Variants in KCNQ3 observed in about 807,000 individuals in gnomAD.
The protein encoded by KCNQ3 is potassium voltage-gated channel subfamily Q member 3, also known as potassium voltage-gated channel subfamily KQT member 3.
Under a neutral mutation model 92.5 loss-of-function variants are expected in KCNQ3, and 30 were observed. The observed-to-expected ratio is 0.32, with a 90% CI of 0.24 to 0.44. The LOEUF (loss-of-function observed/expected upper bound fraction) is 0.44. KCNQ3 is among the 20% of genes least tolerant of loss of function. The probability of loss-of-function intolerance (pLI) is 1.00; values close to 1 mark genes in which losing one functional copy is unlikely to be tolerated. For missense variants in KCNQ3, 913 were observed against 1,140.3 expected, an observed-to-expected ratio of 0.80 and a Z score of 2.87; for synonymous variants, 450 against 468.8, an observed-to-expected ratio of 0.96 and a Z score of 0.52.
At chr8:132,406,729 G>C (rs1316101731) in intron 1 of KCNQ3, among the ~76,000 whole-genome samples, 1 of 152,172 alleles carries the variant, frequency 6.6e-6, no homozygotes, top group South Asian at 2.1e-4. Context: ...TAATAAGTCA[G>C]GGGATGTGGT....
intron 1 of KCNQ3, among the ~76,000 whole-genome samples, chr8:132,284,488 A>T (rs908095959): frequency 1.3e-5 from 2 of 150,406 alleles, no homozygotes; most frequent in African/African-American, 2.4e-5. Flanking sequence ...AACTCTATAG[A>T]TTTTTTTTTT....
chr8:132,167,510 T>C (rs1406778577), intron 8 of KCNQ3, among the ~76,000 whole-genome samples: 1 of 152,158 alleles, frequency 6.6e-6, no homozygotes, highest in Non-Finnish European at 1.5e-5. Context: ...AGAAAACCTT[T>C]AGGAGGTAGG....
intron 1 of KCNQ3, among the ~76,000 whole-genome samples, chr8:132,274,877 G>T (rs1270168276): frequency 6.6e-6 from 1 of 152,154 alleles, no homozygotes; most frequent in Non-Finnish European, 1.5e-5. Flanking sequence ...GGAGTTTCCT[G>T]CACAGGAGCC....
chr8:132,371,339 C>A (rs975444101), intron 1 of KCNQ3, among the ~76,000 whole-genome samples: 1 of 152,170 alleles, frequency 6.6e-6, no homozygotes, highest in African/African-American at 2.4e-5. Flanking sequence ...TGTGGCATTA[C>A]AATATGATCT....
At chr8:132,284,264 G>A (rs991610016) in intron 1 of KCNQ3, among the ~76,000 whole-genome samples, 1 of 152,132 alleles carries the variant, frequency 6.6e-6, no homozygotes, top group Non-Finnish European at 1.5e-5. Flanking sequence ...AGATGAAGAG[G>A]AGCAAATTGT....
chr8:132,224,146 G>GCT (rs1479342226), intron 1 of KCNQ3, among the ~76,000 whole-genome samples: 1 of 134,060 alleles, frequency 7.5e-6, no homozygotes, highest in Non-Finnish European at 1.6e-5. Context: ...TGTTGTCAGG[G>GCT]CTGCTCTTGA....
chr8:132,282,619 T>C (rs1260167154), intron 1 of KCNQ3, among the ~76,000 whole-genome samples: 1 of 152,186 alleles, frequency 6.6e-6, no homozygotes, highest in East Asian at 1.9e-4. Context: ...ATCCCATTTC[T>C]AAGACTCATG....
At chr8:132,166,612 T>C (rs762002049) in intron 8 of KCNQ3, among the ~76,000 whole-genome samples, 32 of 152,108 alleles carry the variant, frequency 2.1e-4, no homozygotes, top group Non-Finnish European at 3.7e-4. Flanking sequence ...TCATAGAAAA[T>C]TGGGTTTGGA....
intron 1 of KCNQ3, among the ~76,000 whole-genome samples, chr8:132,199,910 C>CAAAAAAAAAAA (rs66931252): frequency 9.8e-6 from 1 of 101,854 alleles, no homozygotes; most frequent in African/African-American, 3.4e-5. Context: ...ACTCAGTCTC[C>CAAAAAAAAAAA]AAAAAAAAAA....
chr8:132,187,769 T>TGGTG (rs1827024801), intron 1 of KCNQ3, among the ~76,000 whole-genome samples: 1 of 150,396 alleles, frequency 6.6e-6, no homozygotes, highest in African/African-American at 2.5e-5. Flanking sequence ...ATGATGGTGG[T>TGGTG]AGTGATAGTG....
intron 1 of KCNQ3, among the ~76,000 whole-genome samples, chr8:132,357,397 A>G (rs1485494252): frequency 6.6e-6 from 1 of 152,192 alleles, no homozygotes; most frequent in African/African-American, 2.4e-5. Flanking sequence ...GAGATACTGA[A>G]AAATCTTCCA....
chr8:132,154,192 A>ATTTTTTTTTTTTTTTTTTTTTTTTTT (rs1563775830), intron 9 of KCNQ3, among the ~76,000 whole-genome samples: 1 of 104,478 alleles, frequency 9.6e-6, no homozygotes, highest in Admixed American at 1.1e-4. Context: ...AAAGGGTAAA[A>ATTTTTTTTTTTTTTTTTTTTTTTTTT]GTTTTTTTTT....
At chr8:132,376,373 C>T (rs1166640806) in intron 1 of KCNQ3, among the ~76,000 whole-genome samples, 2 of 152,204 alleles carry the variant, frequency 1.3e-5, no homozygotes, top group African/African-American at 2.4e-5. Context: ...TGGCAGTCCA[C>T]AATTGTGCAT....
At chr8:132,311,132 G>A (rs983660131) in intron 1 of KCNQ3, among the ~76,000 whole-genome samples, 5 of 152,038 alleles carry the variant, frequency 3.3e-5, no homozygotes, top group East Asian at 1.9e-4. Context: ...GTTTTACCAC[G>A]TTGGCCAGGA....
At chr8:132,437,301 TA>T (rs1409206329) in intron 1 of KCNQ3, among the ~76,000 whole-genome samples, 3 of 148,036 alleles carry the variant, frequency 2.0e-5, no homozygotes, top group Non-Finnish European at 3.0e-5. Flanking sequence ...AAATAAAAAA[TA>T]AAAAAAATAA....
intron 1 of KCNQ3, among the ~76,000 whole-genome samples, chr8:132,274,389 TC>T (rs1159881716): frequency 6.6e-6 from 1 of 152,092 alleles, no homozygotes; most frequent in Admixed American, 6.5e-5. Context: ...TAAAATTACC[TC>T]CCACTGGGTC....
Position 132,185,708 on chromosome 8 carries a change from T to C in KCNQ3, c.477+383A>G, listed in dbSNP as rs544981644. Among the ~76,000 whole-genome samples, 11 of 152,294 alleles carry C rather than the reference T, an allele frequency of 7.2e-5. No homozygotes were observed. The East Asian group carries it at 2.1e-3, about 29-fold the overall frequency. ...ACCTGGCCTTGGAGAGAATGAGAGA[T>C]CCTTGGAGTTTAGATTGTAGGATAC... On this transcript the variant is annotated intron_variant, in intron 2 of 14. Coordinates refer to ENST00000388996, the MANE Select transcript of KCNQ3 (RefSeq NM_004519.4).
At chr8:132,414,760 CAAA>C (rs1820749007) in intron 1 of KCNQ3, among the ~76,000 whole-genome samples, 10 of 152,232 alleles carry the variant, frequency 6.6e-5, no homozygotes. Flanking sequence ...AGGGAGCAAA[CAAA>C]CACTGTGCGT....
At chr8:132,257,837 T>C (rs760491227) in intron 1 of KCNQ3, among the ~76,000 whole-genome samples, 1 of 148,258 alleles carries the variant, frequency 6.7e-6, no homozygotes, top group East Asian at 2.0e-4. Context: ...ACATGTACCA[T>C]ACAAATGGTA....
Sources: gnomAD v4.1 joint callset for allele counts (sites outside exome capture counted in the v4.1 genomes callset) on GRCh38, gnomAD v4.1.1 for gene constraint, MANE v1.5 for transcripts, NCBI Gene and HGNC (gene_info 2026-07-23, HGNC 2026-07-21) for gene names.